The following NTNG1 variants were observed in gnomAD, a reference collection of about 807,000 sequenced individuals.
The protein encoded by NTNG1 is netrin G1, also known as netrin-G1.
Under a neutral mutation model 54.0 loss-of-function variants are expected in NTNG1, and 16 were observed. The ratio of observed to expected loss-of-function variants is 0.30; its 90% CI spans 0.20 to 0.45. The LOEUF (loss-of-function observed/expected upper bound fraction) is 0.45, where lower values mean the gene tolerates loss of function less well. Ranked by LOEUF, NTNG1 falls within the 20% of genes least tolerant of loss-of-function variation. The probability of loss-of-function intolerance (pLI) is 1.00; values close to 1 mark genes in which losing one functional copy is unlikely to be tolerated. For missense variants in NTNG1, 530 were observed against 678.7 expected (o/e 0.78, Z 2.43); for synonymous variants, 255 against 263.1 (o/e 0.97, Z 0.30).
intron 3 of NTNG1, among the ~76,000 whole-genome samples, chr1:107,357,733 C>T (rs1051482519): frequency 4.6e-5 from 7 of 152,004 alleles, no homozygotes; most frequent in African/African-American, 1.4e-4. Context: ...TTTAACAATT[C>T]GTTTTTCACA....
intron 5 of NTNG1, among the ~76,000 whole-genome samples, chr1:107,413,625 A>G (rs1488048378): frequency 1.3e-5 from 2 of 152,150 alleles, no homozygotes; most frequent in African/African-American, 4.8e-5. Context: ...GTGGCACATC[A>G]TATCATCGTG....
chr1:107,482,055 C>CGAAAAAAAAA lies in NTNG1; in HGVS notation c.*1215_*1216insGAAAAAAAAA, dbSNP rs1678753456. On this transcript the variant is annotated 3_prime_UTR_variant, in exon 8 of 8. Coordinates refer to ENST00000370068, the MANE Select transcript of NTNG1 (RefSeq NM_001113226.3). ...TTCCACTTGGGAAAAATTACAACAG[C>CGAAAAAAAAA]AAAAAAAAAAAAAAAAAAAAAAAAA... is the stretch of plus-strand genomic sequence containing the variant. 1 of 114,468 alleles carries CGAAAAAAAAA rather than the reference C, an allele frequency of 8.7e-6. No homozygotes were observed. The highest frequency in any genetic ancestry group is 1.8e-5 in the Non-Finnish European group (1 of 55,494). The allele number at this position is 114,468 out of a possible 1,614,324, so 7.1% of individuals were successfully genotyped here.
At chr1:107,150,697 A>T (rs1654497453) in intron 2 of NTNG1, among the ~76,000 whole-genome samples, 1 of 152,124 alleles carries the variant, frequency 6.6e-6, no homozygotes, top group Non-Finnish European at 1.5e-5. Flanking sequence ...CTCTGGCCAG[A>T]GAATGCTTGC....
chr1:107,396,639 A>G (rs560196542), intron 4 of NTNG1, among the ~76,000 whole-genome samples: 6 of 152,102 alleles, frequency 3.9e-5, no homozygotes, highest in Non-Finnish European at 7.4e-5. Context: ...TTTGAAAGGG[A>G]TCTTGCAAGG....
intron 6 of NTNG1, among the ~76,000 whole-genome samples, chr1:107,434,042 C>A (rs1260367816): frequency 6.6e-6 from 1 of 152,002 alleles, no homozygotes; most frequent in African/African-American, 2.4e-5. Flanking sequence ...GGATATTTAC[C>A]CCATTCACTT....
intron 5 of NTNG1, among the ~76,000 whole-genome samples, chr1:107,421,868 G>A (rs1485228604): frequency 2.0e-5 from 3 of 151,984 alleles, no homozygotes; most frequent in Non-Finnish European, 4.4e-5. Flanking sequence ...TTGGGCATAT[G>A]TCACGTTTTA....
At chr1:107,339,415 G>A (rs1259737233) in intron 3 of NTNG1, among the ~76,000 whole-genome samples, 1 of 152,002 alleles carries the variant, frequency 6.6e-6, no homozygotes, top group African/African-American at 2.4e-5. Flanking sequence ...AAAATATAAA[G>A]ATCCTATAAT....
At chr1:107,410,259 A>G (rs909817767) in intron 5 of NTNG1, 6 of 152,158 alleles carry the variant, frequency 3.9e-5, no homozygotes, top group African/African-American at 1.4e-4. Context: ...GTTTACATAC[A>G]TATTCTGTAT....
chr1:107,316,774 A>G (rs901849460), intron 2 of NTNG1, among the ~76,000 whole-genome samples: 1 of 152,216 alleles, frequency 6.6e-6, no homozygotes, highest in African/African-American at 2.4e-5. Context: ...TTGCCTGTAT[A>G]TATCTTATCT....
At chr1:107,431,647 T>C (rs1263361585) in intron 6 of NTNG1, among the ~76,000 whole-genome samples, 1 of 152,004 alleles carries the variant, frequency 6.6e-6, no homozygotes, top group Non-Finnish European at 1.5e-5. Context: ...ACCCAGAAAA[T>C]CTCCTACCTT....
chr1:107,181,236 T>C (rs1390542179), intron 2 of NTNG1, among the ~76,000 whole-genome samples: 1 of 152,136 alleles, frequency 6.6e-6, no homozygotes, highest in South Asian at 2.1e-4. Context: ...AGCTGCTTTC[T>C]TAGAAAACTA....
chr1:107,400,496 A>G (rs1361986368), intron 4 of NTNG1, among the ~76,000 whole-genome samples: 2 of 152,182 alleles, frequency 1.3e-5, no homozygotes, highest in Admixed American at 1.3e-4. Flanking sequence ...GGAAATGCAG[A>G]CACAGAAAGG....
chr1:107,360,424 GAGAA>G (rs1670193543), intron 3 of NTNG1, among the ~76,000 whole-genome samples: 1 of 152,082 alleles, frequency 6.6e-6, no homozygotes, highest in Non-Finnish European at 1.5e-5. Context: ...AGACCCTGAA[GAGAA>G]ATAGAAAGTA....
intron 2 of NTNG1, among the ~76,000 whole-genome samples, chr1:107,281,690 T>C (rs1449951580): frequency 6.6e-6 from 1 of 152,104 alleles, no homozygotes; most frequent in East Asian, 1.9e-4. Flanking sequence ...TAAATATATA[T>C]ATACACACAC....
At chr1:107,319,865 T>TTATATATA (rs1553225209) in intron 2 of NTNG1, among the ~76,000 whole-genome samples, 4,009 of 147,854 alleles carry the variant, frequency 0.027, 174 homozygotes, top group African/African-American at 0.094. Context: ...TACCTGAGGT[T>TTATATATA]TATATATATA....
intron 2 of NTNG1, among the ~76,000 whole-genome samples, chr1:107,285,699 G>A (rs547137637): frequency 1.5e-4 from 23 of 152,160 alleles, no homozygotes; most frequent in South Asian, 2.1e-4. Context: ...AGAAATTGTC[G>A]AAAACAATGA....
At chr1:107,243,340 C>T (rs1011250855) in intron 2 of NTNG1, among the ~76,000 whole-genome samples, 12 of 152,104 alleles carry the variant, frequency 7.9e-5, no homozygotes, top group Non-Finnish European at 7.4e-5. Context: ...TAAATGAACA[C>T]GAATAGGGAC....
intron 6 of NTNG1, among the ~76,000 whole-genome samples, chr1:107,432,547 A>T (rs182686051): frequency 9.2e-4 from 140 of 152,332 alleles, no homozygotes; most frequent in African/African-American, 3.2e-3. Flanking sequence ...CAAAGATTTG[A>T]GGATATTAAT....
rs140889131 is a variant in NTNG1 at position 107,181,706 on chromosome 1, T to C, written c.246+32867T>C. ...TCCCTTGCTGTACTGCGCTTCTTAA[T>C]GTCCTTGCTGTCTGCACTGACTTGG... On this transcript the variant is annotated intron_variant, in intron 2 of 7. Coordinates refer to ENST00000370068, the MANE Select transcript of NTNG1 (RefSeq NM_001113226.3). Among the ~76,000 whole-genome samples, 1,353 of 152,274 alleles carry C rather than the reference T, an allele frequency of 8.9e-3. 5 individuals are homozygous for C. Among genetic ancestry groups the C allele is most frequent in the Non-Finnish European group, 0.014 (979 of 68,026 alleles).
Sources: allele counts gnomAD v4.1 joint callset (sites outside exome capture counted in the v4.1 genomes callset), GRCh38; gene constraint gnomAD v4.1.1; transcripts MANE v1.5; gene names NCBI Gene and HGNC (gene_info 2026-07-23, HGNC 2026-07-21).